Variants in CELF2 observed in about 807,000 individuals in gnomAD.
The protein encoded by CELF2 is CUGBP Elav-like family member 2, also known as CUG triplet repeat RNA-binding protein 2.
In CELF2, 8 loss-of-function variants were observed where a neutral mutation model predicts 62.6. The ratio of observed to expected loss-of-function variants is 0.13; its 90% confidence interval spans 0.07 to 0.23. The LOEUF is 0.23. CELF2 is among the 10% of genes least tolerant of loss of function. The pLI is 1.00. For synonymous variants in CELF2, 258 were observed against 250.0 expected (o/e 1.03, Z -0.30); for missense variants, 333 against 671.0 (o/e 0.50, Z 5.56).
the CELF2 span, among the ~76,000 whole-genome samples, chr10:10,556,189 C>G: frequency 1.3e-5 from 2 of 152,140 alleles, no homozygotes; most frequent in East Asian, 1.9e-4. Context: ...TCCCTCCCCC[C>G]ACCACATCAC....
At chr10:10,817,456 G>C (rs4749990) in intron 1 of CELF2, among the ~76,000 whole-genome samples, 107,105 of 152,026 alleles carry the variant, frequency 0.7, 37,902 homozygotes, top group East Asian at 0.79. Context: ...ACCATCCCCA[G>C]CTTCCCCCAA....
the CELF2 span, among the ~76,000 whole-genome samples, chr10:10,768,979 A>T: frequency 6.6e-6 from 1 of 152,168 alleles, no homozygotes. Flanking sequence ...TCTACCTGCC[A>T]AATATATTAC....
chr10:11,185,999 A>G (rs2074765387), intron 2 of CELF2, among the ~76,000 whole-genome samples: 1 of 152,232 alleles, frequency 6.6e-6, no homozygotes, highest in South Asian at 2.1e-4. Context: ...TTAACTACAA[A>G]TTGAATTTCT....
chr10:10,790,869 C>T, the CELF2 span, among the ~76,000 whole-genome samples: 1 of 152,102 alleles, frequency 6.6e-6, no homozygotes, highest in South Asian at 2.1e-4. Flanking sequence ...GATGCCCTTT[C>T]TGTAAGGAAT....
chr10:10,644,973 T>A, the CELF2 span, among the ~76,000 whole-genome samples: 1 of 152,176 alleles, frequency 6.6e-6, no homozygotes, highest in Non-Finnish European at 1.5e-5. Context: ...GTGGAAAATT[T>A]AGCTGATACA....
At chr10:10,792,492 C>T in the CELF2 span, 4,317 of 398,332 alleles carry the variant, frequency 0.011, 32 homozygotes, top group Non-Finnish European at 0.016. Flanking sequence ...TCCTTGAAAA[C>T]TCAGATTTCC....
the CELF2 span, among the ~76,000 whole-genome samples, chr10:10,579,894 T>C: frequency 2.0e-5 from 3 of 151,436 alleles, no homozygotes; most frequent in South Asian, 6.3e-4. Flanking sequence ...CAAAACACAA[T>C]GAGGTATTGA....
chr10:10,556,240 T>A, the CELF2 span, among the ~76,000 whole-genome samples: 48,050 of 151,236 alleles, frequency 0.32, 10,006 homozygotes, highest in African/African-American at 0.59. Context: ...TGTCCATGTG[T>A]TCTCATTGTT....
At chr10:10,711,998 G>A in the CELF2 span, among the ~76,000 whole-genome samples, 5 of 152,118 alleles carry the variant, frequency 3.3e-5, no homozygotes, top group East Asian at 1.9e-4. Context: ...GGAAGAAGCC[G>A]AGCAGTTCTC....
the CELF2 span, among the ~76,000 whole-genome samples, chr10:10,541,116 G>A: frequency 6.6e-6 from 1 of 151,788 alleles, no homozygotes; most frequent in Non-Finnish European, 1.5e-5. Flanking sequence ...GGTGGTGGGT[G>A]CCTGTAGTCC....
the CELF2 span, among the ~76,000 whole-genome samples, chr10:10,653,154 CA>C: frequency 3.3e-5 from 5 of 152,178 alleles, no homozygotes; most frequent in African/African-American, 1.2e-4. Context: ...ATCAATTCAA[CA>C]AGAAGAGCTA....
At chr10:11,251,270 A>ATTTTTTTTT (rs66615560) in intron 4 of CELF2, among the ~76,000 whole-genome samples, 8 of 63,300 alleles carry the variant, frequency 1.3e-4, no homozygotes, top group South Asian at 1.0e-3. Flanking sequence ...ACACAAAGGG[A>ATTTTTTTTT]TTTTTTTTTT....
upstream of CELF2, chr10:11,004,993 A>G (rs1008882989): frequency 1.1e-5 from 11 of 959,456 alleles, no homozygotes; most frequent in African/African-American, 1.8e-4. This position sits in a 1 kb window ranked among gnomAD's most constrained non-coding sequence, Gnocchi z 5.0. Flanking sequence ...AGTGTGTAAG[A>G]AAAAGGTAAA....
At chr10:10,965,224 T>C (rs922011401) in intron 2 of CELF2, among the ~76,000 whole-genome samples, 1 of 152,204 alleles carries the variant, frequency 6.6e-6, no homozygotes, top group East Asian at 1.9e-4. Flanking sequence ...TCCTATGGTA[T>C]GGTTTGACAG....
At chr10:11,143,449 G>C (rs1168842294) in intron 1 of CELF2, among the ~76,000 whole-genome samples, 4 of 152,178 alleles carry the variant, frequency 2.6e-5, no homozygotes, top group African/African-American at 9.7e-5. Flanking sequence ...CTCACTTCAA[G>C]TTCCGGTTTT....
At position 10,924,742 on chromosome 10, in the gene CELF2, T is replaced by TTTTTTC. The variant is rs398012801; in HGVS notation, c.89+4743_89+4744insTTTTTC. On this transcript the variant is annotated intron_variant, in intron 2 of 13. Transcript: ENST00000636488. Reference sequence around the variant, plus strand: ...TTGATCGCTTTTTTTTTTTTTTTTTTGCCTTCTGTGAGAGGGTTAGGAAAC... The same window carrying TTTTTTC: ...TTGATCGCTTTTTTTTTTTTTTTTTTTTTTTCGCCTTCTGTGAGAGGGTTAGGAAAC... 1.3e-5 allele frequency among the ~76,000 whole-genome samples: 2 copies of TTTTTTC among 148,760 alleles called. 1 individual carries two copies. Among genetic ancestry groups the TTTTTTC allele is most frequent in the Non-Finnish European group, 3.0e-5 (2 of 67,324 alleles).
chr10:11,156,857 C>G lies in CELF2; in HGVS notation c.75-8629C>G, dbSNP rs2064545991. On this transcript the variant is annotated intron_variant, in intron 1 of 12. Coordinates refer to ENST00000633077, the MANE Select transcript of CELF2 (RefSeq NM_001326342.2). The surrounding 1 kb of genome is among the most constrained non-coding windows in gnomAD (Gnocchi z 4.3). ...TTGCTGGTTGGGAAGGGAATTTGAG[C>G]CAGTATGAAAGACAGGGAAGATGAG... Among the ~76,000 whole-genome samples, 1 of 152,042 alleles carries G rather than the reference C, an allele frequency of 6.6e-6. No homozygotes were observed. The highest frequency in any genetic ancestry group is 2.4e-5 in the African/African-American group (1 of 41,392).
chr10:11,005,284 GAGAGAGA>G (rs2055020202), upstream of CELF2: 16 of 1,596,364 alleles, frequency 1.0e-5, no homozygotes, highest in African/African-American at 1.1e-4. The surrounding 1 kb of genome is among the most constrained non-coding windows in gnomAD (Gnocchi z 4.3). Flanking sequence ...GAGAGAGAGA[GAGAGAGA>G]GAGGGAGGAG....
intron 2 of CELF2, among the ~76,000 whole-genome samples, chr10:10,964,155 A>G (rs1282898719): frequency 6.6e-6 from 1 of 152,222 alleles, no homozygotes; most frequent in Admixed American, 6.5e-5. Context: ...ACAAGTTTGT[A>G]GTTAAACTCT....
Sources: gnomAD v4.1 joint callset for allele counts (sites outside exome capture counted in the v4.1 genomes callset) on GRCh38, gnomAD v4.1.1 for gene constraint, Gnocchi (gnomAD v3.1) non-coding constraint, MANE v1.5 for transcripts, NCBI Gene and HGNC (gene_info 2026-07-23, HGNC 2026-07-21) for gene names.